The following PACRGL variants were observed in gnomAD, a reference collection of about 807,000 sequenced individuals.
PACRGL encodes parkin coregulated like.
PACRGL carries 38 observed loss-of-function variants against 34.5 expected under a neutral mutation model. The observed-to-expected ratio is 1.10, with a 90% CI of 0.85 to 1.44. The LOEUF (loss-of-function observed/expected upper bound fraction) is 1.44. PACRGL is among the 40% of genes most tolerant of loss of function. PACRGL has a pLI of 0.00. For synonymous variants in PACRGL, 128 were observed against 100.1 expected, an observed-to-expected ratio of 1.28 and a Z score of -1.66; for missense variants, 305 against 281.4, an observed-to-expected ratio of 1.08 and a Z score of -0.60.
downstream of PACRGL, among the ~76,000 whole-genome samples, chr4:20,733,168 A>G (rs1204118394): frequency 6.6e-6 from 1 of 152,222 alleles, no homozygotes; most frequent in Non-Finnish European, 1.5e-5. Context: ...AGAATCAAAT[A>G]TACGGCACAT....
At chr4:20,715,343 C>G (rs1022026896) in intron 7 of PACRGL, among the ~76,000 whole-genome samples, 2 of 151,900 alleles carry the variant, frequency 1.3e-5, no homozygotes, top group Non-Finnish European at 2.9e-5. Context: ...TTAATGGGTG[C>G]AGCACACCAG....
downstream of PACRGL, among the ~76,000 whole-genome samples, chr4:20,735,538 T>C (rs566334458): frequency 6.8e-6 from 1 of 146,952 alleles, no homozygotes; most frequent in Non-Finnish European, 1.5e-5. Flanking sequence ...TTGTTTTTTT[T>C]TTTTTTTTTG....
intron 4 of PACRGL, among the ~76,000 whole-genome samples, chr4:20,709,337 ATAAT>A (rs1209445607): frequency 6.6e-6 from 1 of 152,192 alleles, no homozygotes; most frequent in East Asian, 1.9e-4. Context: ...AACATTTTTA[ATAAT>A]TACTATGTTT....
chr4:20,751,766 C>G (rs1202509392), intron 8 of PACRGL, among the ~76,000 whole-genome samples: 2 of 152,044 alleles, frequency 1.3e-5, no homozygotes, highest in Admixed American at 1.3e-4. Context: ...TAGCTTAAAG[C>G]TTGATATGTG....
At position 20,729,197 on chromosome 4, in the gene PACRGL, T is replaced by TGTTA. The variant is rs1747061938; in HGVS notation, c.*1858_*1861dup. 1.3e-5 allele frequency: 2 copies of TGTTA among 151,978 alleles called. No individual in the cohort carries two copies. The highest frequency in any genetic ancestry group is 2.9e-5 in the Non-Finnish European group (2 of 68,002). The allele number at this position is 151,978 out of a possible 1,614,324, so 9.4% of individuals were successfully genotyped here. ...AGAGGACAGATTTGGCCTTTAATGC[T>TGTTA]GTTAGGATTACTTGTTATTAAGCAT... is the stretch of plus-strand genomic sequence containing the variant. On this transcript the variant is annotated 3_prime_UTR_variant, in exon 9 of 9. Transcript: ENST00000503585.
At chr4:20,720,327 A>G (rs1006663939) in intron 7 of PACRGL, among the ~76,000 whole-genome samples, 8 of 152,146 alleles carry the variant, frequency 5.3e-5, no homozygotes, top group African/African-American at 1.9e-4. Context: ...TAGCCCATTT[A>G]TATTTAAGGT....
At chr4:20,716,243 G>A (rs1013373192) in intron 7 of PACRGL, 1 of 798,844 alleles carries the variant, frequency 1.3e-6, no homozygotes, top group South Asian at 1.5e-5. Flanking sequence ...ATTAAAATCA[G>A]CAAAGGTAAG....
intron 7 of PACRGL, among the ~76,000 whole-genome samples, chr4:20,719,711 C>A (rs1219798871): frequency 1.3e-5 from 2 of 151,938 alleles, no homozygotes; most frequent in East Asian, 3.9e-4. Flanking sequence ...GTTATAATTT[C>A]TGTTCTTTTA....
chr4:20,763,946 T>G, the PACRGL span, among the ~76,000 whole-genome samples: 1 of 152,168 alleles, frequency 6.6e-6, no homozygotes, highest in Middle Eastern at 3.2e-3. Context: ...TTTACTTGCT[T>G]CAAGTAAACA....
intron 1 of PACRGL, among the ~76,000 whole-genome samples, chr4:20,703,819 C>T (rs1337076966): frequency 6.6e-6 from 1 of 152,062 alleles, no homozygotes; most frequent in African/African-American, 2.4e-5. Flanking sequence ...CATATTTGAG[C>T]CCAAAGCTCT....
rs368647165 is a variant in PACRGL, at chr4:20,727,267, A to G, written c.691-18A>G. The G allele has an allele frequency of 6.8e-5, 109 of 1,598,746 alleles. No individual in the cohort carries two copies. The highest frequency in any genetic ancestry group is 5.4e-5 in the African/African-American group (4 of 74,526). Reference sequence around the variant, plus strand: ...CTCTGCATGATACTAATGATGCTCAATTTTTTTCTGTTGACAGGGGAGCCT... The same window carrying G: ...CTCTGCATGATACTAATGATGCTCAGTTTTTTTCTGTTGACAGGGGAGCCT... On this transcript the variant is annotated intron_variant, in intron 8 of 8. Transcript: ENST00000503585.
At chr4:20,716,978 C>G (rs940368367) in intron 7 of PACRGL, among the ~76,000 whole-genome samples, 1 of 152,220 alleles carries the variant, frequency 6.6e-6, no homozygotes, top group African/African-American at 2.4e-5. Flanking sequence ...TATTCCTCCA[C>G]ATCCTCTCCA....
intron 7 of PACRGL, among the ~76,000 whole-genome samples, chr4:20,718,549 G>C (rs1287293716): frequency 6.6e-6 from 1 of 152,126 alleles, no homozygotes; most frequent in Non-Finnish European, 1.5e-5. Context: ...AAGGGTTGCT[G>C]ATTTTGACAA....
chr4:20,743,701 T>C (rs909639557), intron 8 of PACRGL, among the ~76,000 whole-genome samples: 5 of 152,108 alleles, frequency 3.3e-5, no homozygotes, highest in Non-Finnish European at 7.4e-5. Flanking sequence ...ATTCAGGACA[T>C]AGGCATGGGC....
intron 1 of PACRGL, 32 bp from the exon 2 acceptor site, chr4:20,704,434 T>G: frequency 6.2e-7 from 1 of 1,602,350 alleles, no homozygotes; most frequent in Non-Finnish European, 8.5e-7. Flanking sequence ...CAAACAAATT[T>G]TGAAATCAAC....
At position 20,724,117 on chromosome 4, in the gene PACRGL, A is replaced by C. The variant is rs532526600; in HGVS notation, c.610-691A>C. On this transcript the variant is annotated intron_variant, in intron 7 of 8. Transcript: ENST00000503585. The stretch of plus-strand genomic sequence containing the variant: ...TTTTTTCCTCTATGCAAAATAAGCT[A>C]TACCTTTTCTGAGCTGCAAATGTAT... Among the ~76,000 whole-genome samples, 4 of 152,324 alleles carry C rather than the reference A, an allele frequency of 2.6e-5. No individual in the cohort carries two copies. In the South Asian group the frequency reaches 8.3e-4, roughly 32 times the overall value.
chr4:20,751,545 A>G (rs1324819748), intron 8 of PACRGL, among the ~76,000 whole-genome samples: 1 of 152,114 alleles, frequency 6.6e-6, no homozygotes. Flanking sequence ...GAGGAAAAAA[A>G]AAAGAGATTT....
Position 20,750,865 on chromosome 4 carries a change from A to G in PACRGL, c.*57-1700A>G, listed in dbSNP as rs146175385. On this transcript the variant is annotated intron_variant, in intron 8 of 8. Coordinates refer to the PACRGL transcript ENST00000507634. ...TCTGTTTTAAATCTCATCTATTTCT[A>G]TTTTATAACTTTTAACCTTTATTGG... 2.3e-3 allele frequency among the ~76,000 whole-genome samples: 354 copies of G among 152,128 alleles called. 8 individuals carry two copies. In the South Asian group the frequency reaches 0.046, roughly 20 times the overall value.
At chr4:20,709,984 A>G in intron 5 of PACRGL, 1 of 475,306 alleles carries the variant, frequency 2.1e-6, no homozygotes, top group Non-Finnish European at 3.7e-6. Flanking sequence ...ACATGGAATT[A>G]GTCTGCATAG....
Sources: allele counts gnomAD v4.1 joint callset (sites outside exome capture counted in the v4.1 genomes callset), GRCh38; gene constraint gnomAD v4.1.1; transcripts MANE v1.5; gene names NCBI Gene and HGNC (gene_info 2026-07-23, HGNC 2026-07-21).